The following ZCCHC7 variants were observed in gnomAD, a reference collection of about 807,000 sequenced individuals.
The protein encoded by ZCCHC7 is zinc finger CCHC-type containing 7.
A neutral mutation model predicts 52.0 loss-of-function variants in ZCCHC7; 35 were observed. The observed-to-expected ratio is 0.67, with a 90% CI of 0.51 to 0.89. The LOEUF (loss-of-function observed/expected upper bound fraction) is 0.89. Among genes scored for constraint, ZCCHC7 ranks in the 40% least tolerant of loss-of-function variants. The pLI, the probability that ZCCHC7 is intolerant of heterozygous loss-of-function variation, is 0.00. For synonymous variants in ZCCHC7, 217 were observed against 221.5 expected, an observed-to-expected ratio of 0.98 and a Z score of 0.18; for missense variants, 574 against 649.1, an observed-to-expected ratio of 0.88 and a Z score of 1.26.
chr9:37,354,619 C>T lies in ZCCHC7; in HGVS notation c.1084-91C>T. On this transcript the variant is annotated intron_variant, in intron 7 of 8. Coordinates refer to ENST00000336755, the MANE Select transcript of ZCCHC7 (RefSeq NM_032226.3). The surrounding 1 kb of genome is among the most constrained non-coding windows in gnomAD (Gnocchi z 4.0). Reference sequence around the variant, plus strand: ...CACATGAGGTACCAGTGACATGGGGCTCATTTCTAATTAACATGCTCCAGA... The same window carrying T: ...CACATGAGGTACCAGTGACATGGGGTTCATTTCTAATTAACATGCTCCAGA... 1 of 874,744 alleles carries T rather than the reference C, an allele frequency of 1.1e-6. No individual in the cohort carries two copies. The highest frequency in any genetic ancestry group is 1.8e-6 in the Non-Finnish European group (1 of 552,018). The allele number at this position is 874,744 out of a possible 1,614,324, so 54.2% of individuals were successfully genotyped here.
chr9:37,186,627 G>T, intron 2 of ZCCHC7: 1 of 464,808 alleles, frequency 2.2e-6, no homozygotes, highest in Non-Finnish European at 4.1e-6. Flanking sequence ...CATTAGTATT[G>T]CTGAGTATCA....
At chr9:37,342,409 T>A (rs1212175824) in intron 6 of ZCCHC7, among the ~76,000 whole-genome samples, 1 of 152,004 alleles carries the variant, frequency 6.6e-6, no homozygotes, top group Non-Finnish European at 1.5e-5. Flanking sequence ...GAGTGTAGAG[T>A]TAACAGAGAT....
intron 2 of ZCCHC7, among the ~76,000 whole-genome samples, chr9:37,188,997 T>G (rs2133093467): frequency 1.2e-5 from 1 of 81,962 alleles, no homozygotes; most frequent in South Asian, 5.5e-4. Context: ...CTTTCTTCAT[T>G]TTTTTCCCAT....
At chr9:37,151,547 G>A (rs1820530324) in intron 2 of ZCCHC7, among the ~76,000 whole-genome samples, 1 of 152,120 alleles carries the variant, frequency 6.6e-6, no homozygotes, top group South Asian at 2.1e-4. Context: ...GCTCACGCCT[G>A]TAATTCCAGC....
intron 2 of ZCCHC7, among the ~76,000 whole-genome samples, chr9:37,189,357 T>A (rs1010171615): frequency 6.6e-6 from 1 of 152,154 alleles, no homozygotes; most frequent in African/African-American, 2.4e-5. Flanking sequence ...TGAGACCTTT[T>A]GTCTTGGTTT....
At chr9:37,298,392 C>T (rs1452967346) in intron 2 of ZCCHC7, among the ~76,000 whole-genome samples, 1 of 152,088 alleles carries the variant, frequency 6.6e-6, no homozygotes, top group Non-Finnish European at 1.5e-5. Context: ...AATATCATCA[C>T]CAGATGAATA....
intron 2 of ZCCHC7, among the ~76,000 whole-genome samples, chr9:37,238,376 A>C (rs1353224270): frequency 1.3e-5 from 2 of 152,068 alleles, no homozygotes; most frequent in African/African-American, 4.8e-5. Flanking sequence ...TGGACAGTAC[A>C]CCTGCTATGA....
chr9:37,319,728 A>C lies in ZCCHC7; in HGVS notation c.952-8071A>C, dbSNP rs1014094495. 2.0e-5 allele frequency among the ~76,000 whole-genome samples: 3 copies of C among 151,756 alleles called. No homozygotes were observed. The South Asian group carries it at 6.2e-4, about 32-fold the overall frequency. On this transcript the variant is annotated intron_variant, in intron 5 of 8. Coordinates refer to ENST00000336755, the MANE Select transcript of ZCCHC7 (RefSeq NM_032226.3). ...ATGAGCCACCATGGCCAGCCAGAAG[A>C]TTTTCTCCTGTGTATTCTTTCAGAT...
intron 4 of ZCCHC7, among the ~76,000 whole-genome samples, chr9:37,304,847 C>T (rs1007365440): frequency 1.3e-5 from 2 of 152,178 alleles, no homozygotes; most frequent in African/African-American, 4.8e-5. Flanking sequence ...ATTTAACCCT[C>T]TGTGCTTCTT....
At chr9:37,209,991 T>A (rs1342932176) in intron 2 of ZCCHC7, among the ~76,000 whole-genome samples, 2 of 152,140 alleles carry the variant, frequency 1.3e-5, no homozygotes, top group Admixed American at 6.5e-5. Context: ...TCTTTCTTTT[T>A]CTGTTTCTTC....
In ZCCHC7 at chr9:37,216,476, A is replaced by T. The variant is rs773286969; in HGVS notation, c.611-85712A>T. 2.4e-4 allele frequency among the ~76,000 whole-genome samples: 37 copies of T among 152,276 alleles called. 1 individual carries two copies. Among genetic ancestry groups the T allele is most frequent in the Admixed American group, 1.1e-3 (17 of 15,294 alleles). ...GATCACTTGAGGTCAGGTGATCGAGACCAGCCTGACCAACATGGTGAAACC... is the reference window on the plus strand; with the variant it reads ...GATCACTTGAGGTCAGGTGATCGAGTCCAGCCTGACCAACATGGTGAAACC... On this transcript the variant is annotated intron_variant, in intron 2 of 8. Transcript: ENST00000336755.
chr9:37,357,328 C>T lies in ZCCHC7; in HGVS notation c.*60C>T, dbSNP rs1821775212. The T allele has an allele frequency of 2.1e-6, 3 of 1,449,176 alleles. No individual in the cohort carries two copies. The highest frequency in any genetic ancestry group is 2.8e-6 in the Non-Finnish European group (3 of 1,080,740). The allele number at this position is 1,449,176 out of a possible 1,614,324, so 89.8% of individuals were successfully genotyped here. ...TTCATTTGGCCTTTGTGTCTATAAC[C>T]TTCTGGCACTGTGTTTATTATCTAT... On this transcript the variant is annotated 3_prime_UTR_variant, in exon 9 of 9. Transcript: ENST00000336755.
chr9:37,315,799 C>G (rs1829791204), intron 5 of ZCCHC7, among the ~76,000 whole-genome samples: 1 of 140,248 alleles, frequency 7.1e-6, no homozygotes, highest in Non-Finnish European at 1.5e-5. Flanking sequence ...CCTGTCATCC[C>G]TGGTTTAGGG....
intron 2 of ZCCHC7, among the ~76,000 whole-genome samples, chr9:37,284,678 T>C (rs553110582): frequency 2.6e-5 from 4 of 152,318 alleles, no homozygotes; most frequent in South Asian, 2.1e-4. Context: ...TTTTTCTGTA[T>C]AAGGGAAACT....
intron 1 of ZCCHC7, chr9:37,120,859 C>G (rs1372962708): frequency 4.5e-6 from 1 of 222,462 alleles, no homozygotes; most frequent in East Asian, 8.6e-5. Flanking sequence ...AGGGCTAATG[C>G]CGTGATTCTA....
At chr9:37,160,874 G>A (rs1032811680) in intron 2 of ZCCHC7, among the ~76,000 whole-genome samples, 4 of 151,882 alleles carry the variant, frequency 2.6e-5, no homozygotes, top group Admixed American at 6.6e-5. Context: ...CGACAAGAGC[G>A]AAACTCCATC....
At chr9:37,331,250 G>T (rs980866614) in intron 6 of ZCCHC7, among the ~76,000 whole-genome samples, 5 of 151,584 alleles carry the variant, frequency 3.3e-5, no homozygotes, top group Non-Finnish European at 7.4e-5. Context: ...GTAGAGAAAT[G>T]AGTGTGCTTG....
chr9:37,156,740 A>G (rs1334101885), intron 2 of ZCCHC7, among the ~76,000 whole-genome samples: 2 of 152,250 alleles, frequency 1.3e-5, no homozygotes, highest in African/African-American at 4.8e-5. Flanking sequence ...ATGTTCAGAT[A>G]GATACGACTT....
chr9:37,309,667 TACCC>T (rs1829500819), intron 5 of ZCCHC7, among the ~76,000 whole-genome samples: 1 of 152,122 alleles, frequency 6.6e-6, no homozygotes, highest in Non-Finnish European at 1.5e-5. Context: ...TCATGCCTGT[TACCC>T]AGCACTTTGG....
Sources: allele counts gnomAD v4.1 joint callset (sites outside exome capture counted in the v4.1 genomes callset), GRCh38; gene constraint gnomAD v4.1.1; non-coding constraint Gnocchi (gnomAD v3.1); transcripts MANE v1.5; gene names NCBI Gene and HGNC (gene_info 2026-07-23, HGNC 2026-07-21).